ARMCX4: variants seen among roughly 807,000 people sequenced by gnomAD.
The protein encoded by ARMCX4 is armadillo repeat-containing X-linked protein 4.
In ARMCX4, 3 loss-of-function variants were observed where a neutral mutation model predicts 34.7. The ratio of observed to expected loss-of-function variants is 0.09; its 90% CI spans 0.04 to 0.22. ARMCX4 has a LOEUF of 0.22. Among genes scored for constraint, ARMCX4 ranks in the 10% least tolerant of loss-of-function variants. The pLI is 1.00. For missense variants in ARMCX4, 1,448 were observed against 1,720.8 expected (o/e 0.84, Z 2.81); for synonymous variants, 513 against 632.8 (o/e 0.81, Z 2.84).
intron 11 of ARMCX4, among the ~76,000 whole-genome samples, chrX:101,519,662 T>C (rs1429698313): frequency 8.9e-6 from 1 of 111,801 alleles, no homozygotes; most frequent in African/African-American, 3.2e-5. Flanking sequence ...GAGATTCTGA[T>C]TTCAATACTT....
At chrX:101,468,316 G>A (rs1373100591) in intron 4 of ARMCX4, among the ~76,000 whole-genome samples, 2 of 109,827 alleles carry the variant, frequency 1.8e-5, no homozygotes, top group Admixed American at 9.7e-5. Flanking sequence ...TTTGAGACAG[G>A]GTCTCATTCT....
chrX:101,493,188 G>A lies in ARMCX4; in HGVS notation c.4599G>A (p.Gly1533=), dbSNP rs1184275561. Reference sequence around the variant, plus strand: ...GGGCTAGTGGCCAGGATGTTGGAGGGTCTAGGCCAGGGCCCACGAACCAGT... The same window carrying A: ...GGGCTAGTGGCCAGGATGTTGGAGGATCTAGGCCAGGGCCCACGAACCAGT... ...WGGASGQDVG[G]SRPGPTNQSS... Residue 1533 remains glycine, a synonymous_variant, in exon 6 of 6, where the codon GGG becomes GGA. Coordinates refer to ENST00000423738, the MANE Select transcript of ARMCX4 (RefSeq NM_001256155.3). The A allele has an allele frequency of 1.9e-5, 22 of 1,153,261 alleles. No individual in the cohort carries two copies. The highest frequency in any genetic ancestry group is 2.5e-5 in the Non-Finnish European group (22 of 872,274).
chrX:101,523,425 C>G (rs1934896366), intron 11 of ARMCX4, among the ~76,000 whole-genome samples: 1 of 112,040 alleles, frequency 8.9e-6, no homozygotes, highest in Non-Finnish European at 1.9e-5. Context: ...ATCCACATAT[C>G]CAATGGCAAA....
chrX:101,480,697 A>G (rs924612545), upstream of ARMCX4, among the ~76,000 whole-genome samples: 11 of 112,713 alleles, frequency 9.8e-5, no homozygotes, highest in African/African-American at 3.2e-4. Flanking sequence ...ACTACAAACC[A>G]TTTAAAAAAT....
chrX:101,489,941 A>G lies in ARMCX4; in HGVS notation c.1352A>G (p.Lys451Arg), dbSNP rs1933902789. ...QVEALPDARD[K>R]SRGNPNVMAK... Reference sequence around the variant, plus strand: ...GAGGCCTTGCCTGATGCCAGGGATAAGAGCAGAGGCAATCCCAATGTTATG... The same window carrying G: ...GAGGCCTTGCCTGATGCCAGGGATAGGAGCAGAGGCAATCCCAATGTTATG... Residue 451 changes from lysine to arginine, a missense_variant, in exon 6 of 6, where the codon AAG becomes AGG. Physicochemically the swap from Lys to Arg is conservative, Grantham distance 26 (BLOSUM62 2). Coordinates refer to ENST00000423738, the MANE Select transcript of ARMCX4 (RefSeq NM_001256155.3). The G allele has an allele frequency of 8.7e-7, 1 of 1,154,288 alleles. No individual in the cohort carries two copies. Among genetic ancestry groups the G allele is most frequent in the Admixed American group, 2.6e-5 (1 of 38,552 alleles).
At chrX:101,520,688 A>T (rs1934833080) in intron 11 of ARMCX4, among the ~76,000 whole-genome samples, 1 of 110,992 alleles carries the variant, frequency 9.0e-6, no homozygotes, top group Non-Finnish European at 1.9e-5. Context: ...TGTATTTATA[A>T]GTTATATTGG....
chrX:101,532,272 C>T (rs1935144324), intron 12 of ARMCX4: 1 of 111,464 alleles, frequency 9.0e-6, no homozygotes, highest in Non-Finnish European at 1.9e-5. Flanking sequence ...TTCACTATTG[C>T]ACCAGTTAAC....
intron 2 of ARMCX4, among the ~76,000 whole-genome samples, chrX:101,433,729 G>T (rs1444705907): frequency 2.7e-5 from 3 of 111,063 alleles, no homozygotes; most frequent in African/African-American, 9.8e-5. Flanking sequence ...TATCGATTGA[G>T]TACAGAAAAC....
chrX:101,468,733 C>T (rs1556002495), intron 4 of ARMCX4, among the ~76,000 whole-genome samples: 1 of 110,885 alleles, frequency 9.0e-6, no homozygotes, highest in Non-Finnish European at 1.9e-5. Flanking sequence ...CCTGCCTCAG[C>T]CTCTCAAGTA....
rs12556724 is a variant in ARMCX4 at position 101,471,327 on chromosome X, A to T, written c.-472-14696A>T. Among the ~76,000 whole-genome samples the T allele has an allele frequency of 2.7e-5, 3 of 111,902 alleles. No individual in the cohort carries two copies. In the Admixed American group the frequency reaches 2.9e-4, roughly 11 times the overall value. On this transcript the variant is annotated intron_variant and NMD_transcript_variant, in intron 4 of 15. Transcript: ENST00000433011. Reference sequence around the variant, plus strand: ...GCCCAACTTTCTCTTTTATTATTTCAACTTTCAATTTTCTCTTTTATTATT... The same window carrying T: ...GCCCAACTTTCTCTTTTATTATTTCTACTTTCAATTTTCTCTTTTATTATT...
At position 101,492,628 on chromosome X, in the gene ARMCX4, C is replaced by A; in HGVS notation, c.4039C>A (p.Gln1347Lys). 7.1e-6 allele frequency: 8 copies of A among 1,127,767 alleles called. No homozygotes were observed. Among genetic ancestry groups the A allele is most frequent in the Non-Finnish European group, 8.2e-6 (7 of 858,510 alleles). 92.9% of individuals were successfully genotyped at this position (1,127,767 alleles called of 1,213,427 possible). A position where few individuals can be genotyped will look rare whatever the true frequency, so the allele number is the denominator to read the frequency against. The change falls in exon 6 of 6, where the codon CAG becomes AAG. Residue 1347 changes from glutamine to lysine, a missense_variant. Around this residue, in one of 2 missense-constraint regions of ARMCX4, gnomAD observed 1,343 missense variants for 1,540.7 expected, o/e 0.87. Coordinates refer to ENST00000423738, the MANE Select transcript of ARMCX4 (RefSeq NM_001256155.3). ...SGGSMLGPEDQSSGRSWADTA... is the reference protein window; with the variant it reads ...SGGSMLGPEDKSSGRSWADTA... Reference sequence around the variant, plus strand: ...AGGGTCAATGTTGGGGCCTGAGGACCAGTCCAGTGGAAGGTCTTGGGCTGA... The same window carrying A: ...AGGGTCAATGTTGGGGCCTGAGGACAAGTCCAGTGGAAGGTCTTGGGCTGA...
intron 2 of ARMCX4, among the ~76,000 whole-genome samples, chrX:101,434,791 C>T (rs1930592097): frequency 1.0e-5 from 1 of 97,898 alleles, no homozygotes; most frequent in Middle Eastern, 5.2e-3. Context: ...TCCCCCCTCC[C>T]CTAACCCCAC....
chrX:101,496,749 A>G (rs1224710924), downstream of ARMCX4, among the ~76,000 whole-genome samples: 32 of 111,805 alleles, frequency 2.9e-4, no homozygotes, highest in African/African-American at 1.0e-3. Context: ...CTCCCACCCC[A>G]TAGTGAGGGT....
chrX:101,475,933 C>T (rs1415013010), intron 4 of ARMCX4, among the ~76,000 whole-genome samples: 1 of 110,778 alleles, frequency 9.0e-6, no homozygotes, highest in Non-Finnish European at 1.9e-5. Flanking sequence ...TTTCAATAAT[C>T]CACAGATTAG....
intron 2 of ARMCX4, among the ~76,000 whole-genome samples, chrX:101,440,425 A>G (rs1321604009): frequency 8.9e-6 from 1 of 112,191 alleles, no homozygotes; most frequent in Non-Finnish European, 1.9e-5. Flanking sequence ...CTCGGGGACC[A>G]GGGACCCACT....
intron 4 of ARMCX4, among the ~76,000 whole-genome samples, chrX:101,461,738 C>CT (rs1217005137): frequency 7.3e-5 from 8 of 110,184 alleles, no homozygotes; most frequent in South Asian, 7.5e-4. Context: ...TTCTCCCTCT[C>CT]TTTTTTTTTA....
At chrX:101,442,654 A>T (rs1188978670) in intron 2 of ARMCX4, among the ~76,000 whole-genome samples, 1 of 111,302 alleles carries the variant, frequency 9.0e-6, no homozygotes, top group African/African-American at 3.3e-5. Context: ...GACCAAAAGC[A>T]GGTCTGCCTG....
intron 2 of ARMCX4, among the ~76,000 whole-genome samples, chrX:101,433,176 A>T (rs1453542810): frequency 1.1e-5 from 1 of 91,962 alleles, no homozygotes; most frequent in African/African-American, 3.7e-5. Flanking sequence ...ATACATGTGT[A>T]TATACACGCA....
At chrX:101,512,878 AG>A (rs201221412) in intron 11 of ARMCX4, among the ~76,000 whole-genome samples, 2 of 104,226 alleles carry the variant, frequency 1.9e-5, no homozygotes, top group African/African-American at 7.0e-5. Flanking sequence ...ATGTAGAGAG[AG>A]AGAGAGAGAG....
Sources: allele counts gnomAD v4.1 joint callset (sites outside exome capture counted in the v4.1 genomes callset), GRCh38; gene constraint gnomAD v4.1.1; regional missense constraint gnomAD v4.1.1; transcripts MANE v1.5; gene names NCBI Gene and HGNC (gene_info 2026-07-23, HGNC 2026-07-21).